VTA1: variants seen among roughly 807,000 people sequenced by gnomAD.
The protein encoded by VTA1 is vacuolar protein sorting-associated protein VTA1 homolog.
Under a neutral mutation model 36.9 loss-of-function variants are expected in VTA1, and 24 were observed. The ratio of observed to expected loss-of-function variants is 0.65; its 90% CI spans 0.47 to 0.91. The LOEUF (loss-of-function observed/expected upper bound fraction) is 0.91. Among genes scored for constraint, VTA1 ranks in the 40% least tolerant of loss-of-function variants. The pLI, the probability that VTA1 is intolerant of heterozygous loss-of-function variation, is 0.00. For missense variants in VTA1, 393 were observed against 377.2 expected, an observed-to-expected ratio of 1.04 and a Z score of -0.35; for synonymous variants, 142 against 130.2, an observed-to-expected ratio of 1.09 and a Z score of -0.62.
intron 4 of VTA1, among the ~76,000 whole-genome samples, chr6:142,170,729 G>A (rs1028306081): frequency 3.8e-4 from 58 of 151,528 alleles, no homozygotes; most frequent in African/African-American, 1.4e-3. Context: ...GCCTGCCCGG[G>A]CTCAAGCAAT....
chr6:142,203,074 T>C (rs185848050), intron 6 of VTA1, among the ~76,000 whole-genome samples: 52 of 152,142 alleles, frequency 3.4e-4, no homozygotes, highest in Non-Finnish European at 7.4e-4. Context: ...AGAAAAACTT[T>C]AGACCTTTAG....
At chr6:142,183,813 A>G (rs1297570586) in intron 4 of VTA1, among the ~76,000 whole-genome samples, 11 of 152,210 alleles carry the variant, frequency 7.2e-5, no homozygotes, top group Admixed American at 7.2e-4. Flanking sequence ...AGCAGTTTGT[A>G]GGAATAGGGA....
intron 5 of VTA1, among the ~76,000 whole-genome samples, chr6:142,192,576 C>A (rs988114512): frequency 8.5e-5 from 13 of 152,160 alleles, no homozygotes; most frequent in African/African-American, 2.2e-4. Flanking sequence ...TGCCTTTGAT[C>A]CAGAATTAAA....
At chr6:142,152,791 G>A (rs1322430600) in intron 1 of VTA1, among the ~76,000 whole-genome samples, 2 of 152,016 alleles carry the variant, frequency 1.3e-5, no homozygotes, top group Non-Finnish European at 2.9e-5. Flanking sequence ...TATAATCTTA[G>A]AGCATATAAT....
At chr6:142,166,412 C>A in intron 2 of VTA1, 90 bp downstream of exon 2, 1 of 913,632 alleles carries the variant, frequency 1.1e-6, no homozygotes. Flanking sequence ...TTAGTTCTTT[C>A]CCTTGGCAAC....
chr6:142,211,361 A>G (rs558526187), intron 7 of VTA1, among the ~76,000 whole-genome samples: 1 of 152,222 alleles, frequency 6.6e-6, no homozygotes, highest in Non-Finnish European at 1.5e-5. Context: ...GAAAATCCAG[A>G]TGACTTTGGG....
intron 7 of VTA1, among the ~76,000 whole-genome samples, chr6:142,217,011 G>C (rs1383007301): frequency 2.0e-5 from 3 of 152,120 alleles, no homozygotes; most frequent in Admixed American, 6.5e-5. Flanking sequence ...GAATCTGGTA[G>C]GTATTTTTCA....
Position 142,147,303 on chromosome 6 carries a change from C to A in VTA1, c.16C>A (p.Pro6Thr). Residue 6 changes from proline (P) to threonine (T), a missense_variant, in exon 1 of 8, where the codon CCG becomes ACG. Pro to Thr is a conservative substitution (Grantham distance 38). Coordinates refer to ENST00000367630, the MANE Select transcript of VTA1 (RefSeq NM_016485.5). ...CGGAGTAGAGATGGCCGCGCTTGCA[C>A]CGCTGCCCCCGCTCCCCGCACAGTT... MAALA[P>T]LPPLPAQFKS... 3 of 1,614,208 alleles carry A rather than the reference C, an allele frequency of 1.9e-6. No individual in the cohort carries two copies. The highest frequency in any genetic ancestry group is 1.7e-6 in the Non-Finnish European group (2 of 1,180,036).
At chr6:142,179,465 A>G (rs1409791301) in intron 4 of VTA1, among the ~76,000 whole-genome samples, 1 of 152,092 alleles carries the variant, frequency 6.6e-6, no homozygotes, top group Admixed American at 6.6e-5. Context: ...GCTAGAAACA[A>G]CCCTGATGTC....
At chr6:142,182,002 G>A (rs554491402) in intron 4 of VTA1, among the ~76,000 whole-genome samples, 51 of 152,278 alleles carry the variant, frequency 3.3e-4, no homozygotes, top group Non-Finnish European at 6.2e-4. Context: ...CCACATCTCA[G>A]TGTTCTGGGA....
chr6:142,216,236 A>G (rs928644117), intron 7 of VTA1, among the ~76,000 whole-genome samples: 1 of 152,082 alleles, frequency 6.6e-6, no homozygotes, highest in African/African-American at 2.4e-5. Flanking sequence ...AAATGTGTTT[A>G]CCCTTATATA....
At chr6:142,188,553 C>T (rs1327271920) in intron 4 of VTA1, among the ~76,000 whole-genome samples, 3 of 152,076 alleles carry the variant, frequency 2.0e-5, no homozygotes, top group East Asian at 1.9e-4. Flanking sequence ...CGCTAATGTG[C>T]GTATAAATCA....
At position 142,147,554 on chromosome 6, in the gene VTA1, C is replaced by T. The variant is rs1027126470; in HGVS notation, c.112+155C>T. The stretch of plus-strand genomic sequence containing the variant: ...CAGGGAACTCCCTGGGTTCCCACCC[C>T]CTGGCAGTAGGAATCCCAAAACACC... On this transcript the variant is annotated intron_variant, in intron 1 of 7. Coordinates refer to ENST00000367630, the MANE Select transcript of VTA1 (RefSeq NM_016485.5). Among the ~76,000 whole-genome samples the T allele has an allele frequency of 2.6e-5, 4 of 152,192 alleles. No homozygotes were observed. In the East Asian group the frequency reaches 7.7e-4, roughly 29 times the overall value.
intron 7 of VTA1, among the ~76,000 whole-genome samples, chr6:142,212,757 G>C (rs1582906737): frequency 1.3e-5 from 2 of 152,268 alleles, no homozygotes; most frequent in South Asian, 4.1e-4. Flanking sequence ...TCCTCACATG[G>C]CAGCAGGAGA....
chr6:142,181,455 T>TTTTA (rs893322058), intron 4 of VTA1, among the ~76,000 whole-genome samples: 1,463 of 143,656 alleles, frequency 0.01, 19 homozygotes, highest in African/African-American at 0.035. Context: ...TTTTTATATT[T>TTTTA]TATATATATA....
chr6:142,196,593 C>T (rs1264910155), intron 5 of VTA1, among the ~76,000 whole-genome samples: 1 of 151,968 alleles, frequency 6.6e-6, no homozygotes, highest in Non-Finnish European at 1.5e-5. Context: ...TTTTTCCCCC[C>T]TCTGGTTAGT....
At chr6:142,192,894 T>C (rs1428151920) in intron 5 of VTA1, among the ~76,000 whole-genome samples, 2 of 152,136 alleles carry the variant, frequency 1.3e-5, no homozygotes, top group African/African-American at 2.4e-5. Context: ...TGCTGAGTAC[T>C]TCTGTATTTC....
At chr6:142,154,714 G>A (rs1778630032) in intron 1 of VTA1, among the ~76,000 whole-genome samples, 1 of 151,954 alleles carries the variant, frequency 6.6e-6, no homozygotes, top group African/African-American at 2.4e-5. Flanking sequence ...TTCCCTGATA[G>A]CTAATACAGT....
At chr6:142,152,494 TAAC>T (rs945809429) in intron 1 of VTA1, among the ~76,000 whole-genome samples, 18 of 152,122 alleles carry the variant, frequency 1.2e-4, no homozygotes, top group Middle Eastern at 3.4e-3. Flanking sequence ...AAATAAAAAA[TAAC>T]AACAGAACCC....
Sources: gnomAD v4.1 joint callset for allele counts (sites outside exome capture counted in the v4.1 genomes callset) on GRCh38, gnomAD v4.1.1 for gene constraint, MANE v1.5 for transcripts, NCBI Gene and HGNC (gene_info 2026-07-23, HGNC 2026-07-21) for gene names.